Variants in SLC12A9 observed in about 807,000 individuals in gnomAD.
The protein encoded by SLC12A9 is solute carrier family 12 member 9, also known as CCC-interacting protein 1.
In SLC12A9, 55 loss-of-function variants were observed where a neutral mutation model predicts 66.0. The observed-to-expected ratio is 0.83, with a 90% CI of 0.67 to 1.04. The LOEUF (loss-of-function observed/expected upper bound fraction) is 1.04, where lower values mean the gene tolerates loss of function less well. SLC12A9 is among the 50% of genes least tolerant of loss of function. The pLI, the probability that SLC12A9 is intolerant of heterozygous loss-of-function variation, is 0.00. For missense variants in SLC12A9, 1,061 were observed against 1,241.9 expected (o/e 0.85, Z 2.19); for synonymous variants, 577 against 569.0 (o/e 1.01, Z -0.20).
At chr7:100,849,873 C>G (rs1039490052), upstream of SLC12A9, among the ~76,000 whole-genome samples, 1 of 151,652 alleles carries the variant, frequency 6.6e-6, no homozygotes, top group African/African-American at 2.4e-5. Context: ...AACATCTTCC[C>G]TTCCCTTTTT....
intron 1 of SLC12A9, among the ~76,000 whole-genome samples, chr7:100,828,759 A>G (rs2116482674): frequency 6.6e-6 from 1 of 151,850 alleles, no homozygotes; most frequent in South Asian, 2.1e-4. Context: ...GGCCCTCGGG[A>G]TGGCTGGGAG....
chr7:100,865,207 C>T, intron 13 of SLC12A9: 3 of 1,511,730 alleles, frequency 2.0e-6, no homozygotes, highest in South Asian at 2.4e-5. Flanking sequence ...ATCAACGTGC[C>T]TCAGCTTCCC....
At chr7:100,859,549 C>T (rs189289178) in intron 7 of SLC12A9, 19 of 371,604 alleles carry the variant, frequency 5.1e-5, no homozygotes, top group Non-Finnish European at 7.4e-5. Flanking sequence ...GAGCCTCCCC[C>T]CAAATACAAA....
Position 100,866,000 on chromosome 7 carries a change from G to C in SLC12A9, c.2140G>C (p.Gly714Arg), listed in dbSNP as rs767897795. ...CTTGCCCCCTGAGCGGCTGAGCCGG[G>C]GGTCTGGGGGCACCTCTCAGCTGCA... is the stretch of plus-strand genomic sequence containing the variant. Reference protein sequence around the residue: ...GALPPERLSRGSGGTSQLHHV... With the variant: ...GALPPERLSRRSGGTSQLHHV... The change falls in exon 14 of 14, where the codon GGG becomes CGG. Residue 714 changes from glycine (G) to arginine (R), a missense_variant. Transcript: ENST00000354161. 3.1e-6 allele frequency: 5 copies of C among 1,612,508 alleles called. No homozygotes were observed. The highest frequency in any genetic ancestry group is 4.2e-6 in the Non-Finnish European group (5 of 1,179,724).
chr7:100,866,051 C>A lies in SLC12A9; in HGVS notation c.2191C>A (p.Leu731Met). 6.2e-7 allele frequency: 1 copy of A among 1,612,882 alleles called. No individual in the cohort carries two copies. Among genetic ancestry groups the A allele is most frequent in the Non-Finnish European group, 8.5e-7 (1 of 1,179,878 alleles). Residue 731 changes from leucine to methionine, a missense_variant, in exon 14 of 14, where the codon CTG (leucine) becomes ATG (methionine). Transcript: ENST00000354161. The surrounding 1 kb of genome is among the most constrained non-coding windows in gnomAD (Gnocchi z 7.3). ...LHHVDVWPLNLLRPRGGPGYV... is the reference protein window; with the variant it reads ...LHHVDVWPLNMLRPRGGPGYV... ...CCATGTGGACGTGTGGCCCCTCAAC[C>A]TGCTGCGGCCCCGGGGTGGGCCCGG... is the stretch of plus-strand genomic sequence containing the variant.
Position 100,858,947 on chromosome 7 carries a change from G to A in SLC12A9, c.865+5G>A. 2 of 1,614,016 alleles carry A rather than the reference G, an allele frequency of 1.2e-6. No individual in the cohort carries two copies. The highest frequency in any genetic ancestry group is 1.7e-6 in the Non-Finnish European group (2 of 1,179,988). ...TGGCTGGGGCCAACATGTCAGGTGAGAGTCCCTGCCTGCTGCCTCCTGGGG... is the reference window on the plus strand; with the variant it reads ...TGGCTGGGGCCAACATGTCAGGTGAAAGTCCCTGCCTGCTGCCTCCTGGGG... On this transcript the variant is annotated splice_donor_5th_base_variant and intron_variant, in intron 6 of 13. Coordinates refer to ENST00000354161, the MANE Select transcript of SLC12A9 (RefSeq NM_020246.4).
intron 1 of SLC12A9, among the ~76,000 whole-genome samples, chr7:100,829,642 C>T (rs914974041): frequency 1.3e-5 from 2 of 152,084 alleles, no homozygotes. Context: ...TCTTATTCAG[C>T]TTCTCCCTCG....
intron 4 of SLC12A9, 97 bp from the exon 5 acceptor site, chr7:100,856,771 C>G: frequency 7.9e-7 from 1 of 1,271,712 alleles, no homozygotes; most frequent in Non-Finnish European, 1.1e-6. Context: ...CTCGGCCTCC[C>G]AAAGTGCTGG....
intron 2 of SLC12A9, 54 bp from the exon 3 acceptor site, chr7:100,854,566 T>TG: frequency 6.2e-7 from 1 of 1,608,032 alleles, no homozygotes; most frequent in South Asian, 1.1e-5. Flanking sequence ...AACCAGGGGG[T>TG]GGGGGATATG....
exon 1 of SLC12A9, chr7:100,826,964 C>CA (rs200488259): frequency 5.3e-5 from 76 of 1,441,856 alleles, no homozygotes; most frequent in Non-Finnish European, 6.5e-5. Context: ...CGCCCCCCCC[C>CA]GCAAGGAAAC....
At chr7:100,859,438 G>A (rs769590417) in intron 7 of SLC12A9, 18 of 446,544 alleles carry the variant, frequency 4.0e-5, no homozygotes, top group African/African-American at 3.0e-4. Context: ...TATGACAGCC[G>A]GGTGCGGTGG....
At chr7:100,838,746 C>G (rs1250816987) in intron 1 of SLC12A9, among the ~76,000 whole-genome samples, 2 of 152,024 alleles carry the variant, frequency 1.3e-5, no homozygotes, top group Admixed American at 1.3e-4. Flanking sequence ...TAATTTCTGC[C>G]TCTAAAGAAA....
chr7:100,840,501 C>G (rs929478447), intron 1 of SLC12A9, among the ~76,000 whole-genome samples: 7 of 148,878 alleles, frequency 4.7e-5, no homozygotes, highest in African/African-American at 1.5e-4. Flanking sequence ...AGTTTTAGAC[C>G]CCCCGCCCCC....
Position 100,866,566 on chromosome 7 carries a change from G to C in SLC12A9, c.2706G>C (p.Leu902=). ...CCCGAGACCTGGGCCCCACGCTGCT[G>C]GTTCATGGGGTCACTCCAGTCACCT... ...TLTRDLGPTL[L]VHGVTPVTCT... The change falls in exon 14 of 14, where the codon CTG becomes CTC. Residue 902 remains leucine, a synonymous_variant. Transcript: ENST00000354161. The surrounding 1 kb of genome is among the most constrained non-coding windows in gnomAD (Gnocchi z 7.3). 6.3e-7 allele frequency: 1 copy of C among 1,588,652 alleles called. No homozygotes were observed. The highest frequency in any genetic ancestry group is 8.6e-7 in the Non-Finnish European group (1 of 1,168,720).
At chr7:100,834,361 G>T (rs1453390354) in intron 1 of SLC12A9, among the ~76,000 whole-genome samples, 2 of 152,146 alleles carry the variant, frequency 1.3e-5, no homozygotes, top group Non-Finnish European at 2.9e-5. Flanking sequence ...GGACTGCTCT[G>T]GGGAGCTAGT....
At position 100,858,837 on chromosome 7, in the gene SLC12A9, G is replaced by T. The variant is rs758256408; in HGVS notation, c.760G>T (p.Gly254Cys). The T allele has an allele frequency of 6.2e-7, 1 of 1,614,086 alleles. No homozygotes were observed. Among genetic ancestry groups the T allele is most frequent in the East Asian group, 2.2e-5 (1 of 44,888 alleles). Residue 254 changes from glycine to cysteine, a missense_variant and splice_region_variant, in exon 6 of 14, where the codon GGC becomes TGC. By Grantham distance (159) the Gly-to-Cys change is radical (BLOSUM62 -3). Coordinates refer to ENST00000354161, the MANE Select transcript of SLC12A9 (RefSeq NM_020246.4). Reference sequence around the variant, plus strand: ...CCTCCCTGGGAGGATCCTCCTAGCTGGCTATGCTGAGGACTACACCACGGG... The same window carrying T: ...CCTCCCTGGGAGGATCCTCCTAGCTTGCTATGCTGAGGACTACACCACGGG... ...SSTLKDNLGA[G>C]YAEDYTTGAV...
intron 9 of SLC12A9, chr7:100,860,594 C>T (rs567661708): frequency 2.4e-5 from 9 of 367,500 alleles, no homozygotes; most frequent in Middle Eastern, 7.9e-4. Flanking sequence ...TGGGATGTAC[C>T]AACACTTTGT....
chr7:100,832,154 C>T (rs1450364027), intron 1 of SLC12A9, among the ~76,000 whole-genome samples: 3 of 152,168 alleles, frequency 2.0e-5, no homozygotes, highest in East Asian at 3.9e-4. Flanking sequence ...GAGCCGAGAT[C>T]GCGCCACTGC....
chr7:100,853,558 G>A (rs1225501052), intron 1 of SLC12A9: 1 of 61,016 alleles, frequency 1.6e-5, no homozygotes. Flanking sequence ...CCTTGCGGTT[G>A]TCTCTTTTTT....
Sources: allele counts gnomAD v4.1 joint callset (sites outside exome capture counted in the v4.1 genomes callset), GRCh38; gene constraint gnomAD v4.1.1; non-coding constraint Gnocchi (gnomAD v3.1); transcripts MANE v1.5; gene names NCBI Gene and HGNC (gene_info 2026-07-23, HGNC 2026-07-21).